Variants in CYP4F22 observed in about 807,000 individuals in gnomAD.
CYP4F22 encodes cytochrome P450 family 4 subfamily F member 22.
Under a neutral mutation model 60.4 loss-of-function variants are expected in CYP4F22, and 37 were observed. That is an observed-to-expected ratio of 0.61 (90% CI 0.47 to 0.81). The LOEUF is 0.81. Among genes scored for constraint, CYP4F22 ranks in the 30% least tolerant of loss-of-function variants. The probability of loss-of-function intolerance (pLI) is 0.00; values close to 1 mark genes in which losing one functional copy is unlikely to be tolerated. For missense variants in CYP4F22, 655 were observed against 715.0 expected (o/e 0.92, Z 0.96); for synonymous variants, 258 against 280.5 (o/e 0.92, Z 0.80).
At chr19:15,550,581 C>T in intron 12 of CYP4F22, 93 bp from the exon 13 acceptor site, 1 of 1,288,426 alleles carries the variant, frequency 7.8e-7, no homozygotes, top group South Asian at 1.2e-5. Context: ...GCTCCCCATC[C>T]ATCTTTACTG....
In CYP4F22 at chr19:15,548,002, A is replaced by AGAGTGT. The variant is rs1237209926; in HGVS notation, c.1137-105_1137-104insAGTGTG. 86 of 367,224 alleles carry AGAGTGT rather than the reference A, an allele frequency of 2.3e-4. 1 individual carries two copies. The Middle Eastern group carries it at 2.9e-3, about 12-fold the overall frequency. 22.7% of individuals were successfully genotyped at this position (367,224 alleles called of 1,614,324 possible). A position where few individuals can be genotyped will look rare whatever the true frequency, so the allele number is the denominator to read the frequency against. ...GAGAGAGAGAGAGAGAGAGGGAGAG[A>AGAGTGT]GTGTGTGTGTGTGTGTGTGTGTGTG... On this transcript the variant is annotated intron_variant, in intron 10 of 13. Coordinates refer to ENST00000269703, the MANE Select transcript of CYP4F22 (RefSeq NM_173483.4).
chr19:15,547,023 T>TTG (rs926268040), intron 10 of CYP4F22, among the ~76,000 whole-genome samples: 2 of 139,882 alleles, frequency 1.4e-5, no homozygotes, highest in African/African-American at 5.4e-5. Context: ...CACCAGTTTT[T>TTG]TTTTTTTTTT....
Position 15,551,353 on chromosome 19 carries a change from T to G in CYP4F22, c.1478T>G (p.Leu493Arg). Residue 493 changes from leucine to arginine, a missense_variant, in exon 14 of 14, where the codon CTG becomes CGG. Coordinates refer to ENST00000269703, the MANE Select transcript of CYP4F22 (RefSeq NM_173483.4). ...AELRVVVALT[L>R]LRFRLSVDRT... The stretch of plus-strand genomic sequence containing the variant: ...TTGCGCGTGGTTGTGGCACTAACAC[T>G]GCTACGTTTCCGCCTGAGCGTGGAC... 1 of 1,613,512 alleles carries G rather than the reference T, an allele frequency of 6.2e-7. No individual in the cohort carries two copies. Among genetic ancestry groups the G allele is most frequent in the Non-Finnish European group, 8.5e-7 (1 of 1,179,744 alleles).
chr19:15,511,538 A>C (rs993477432), intron 1 of CYP4F22, among the ~76,000 whole-genome samples: 2 of 152,146 alleles, frequency 1.3e-5, no homozygotes, highest in Non-Finnish European at 2.9e-5. Context: ...GGGGTCTGGC[A>C]CTTTGGGGGA....
intron 5 of CYP4F22, 25 bp downstream of exon 5, chr19:15,537,439 G>A: frequency 6.2e-7 from 1 of 1,614,230 alleles, no homozygotes; most frequent in Non-Finnish European, 8.5e-7. Context: ...GGTAGGCTGG[G>A]GCTGGGGCTT....
rs763867966 is a variant in CYP4F22, at chr19:15,540,578, C to G, written c.800C>G (p.Ala267Gly). 27 of 1,614,234 alleles carry G rather than the reference C, an allele frequency of 1.7e-5. 1 individual carries two copies. The South Asian group carries it at 3.0e-4, about 18-fold the overall frequency. ...RSADGRRFRQ[A>G]CDMVHHFTTE... The stretch of plus-strand genomic sequence containing the variant: ...GCGGATGGGCGGAGGTTCCGGCAGG[C>G]CTGTGACATGGTGCACCACTTCACC... Residue 267 changes from alanine to glycine, a missense_variant, in exon 8 of 14, where the codon GCC (alanine) becomes GGC (glycine). Ala to Gly is a moderately conservative substitution (Grantham distance 60). Around this residue, in one of 3 missense-constraint regions of CYP4F22, gnomAD observed 430 missense variants for 457.1 expected, o/e 0.94. Transcript: ENST00000269703.
chr19:15,529,117 C>T (rs1971313264), intron 3 of CYP4F22, among the ~76,000 whole-genome samples: 1 of 115,862 alleles, frequency 8.6e-6, no homozygotes, highest in African/African-American at 3.5e-5. Context: ...CTAATTTTAT[C>T]TTCTTATTTT....
intron 1 of CYP4F22, among the ~76,000 whole-genome samples, chr19:15,514,243 G>A (rs1971127791): frequency 6.6e-6 from 1 of 152,156 alleles, no homozygotes; most frequent in Non-Finnish European, 1.5e-5. Context: ...TCACTGAAAT[G>A]GTGCTGGGTT....
chr19:15,536,357 A>T (rs1971394413), intron 4 of CYP4F22, among the ~76,000 whole-genome samples: 1 of 152,104 alleles, frequency 6.6e-6, no homozygotes, highest in South Asian at 2.1e-4. Context: ...AAAAACAAAA[A>T]GTTATGTGGT....
intron 1 of CYP4F22, among the ~76,000 whole-genome samples, chr19:15,521,262 C>T (rs8112592): frequency 0.56 from 78,237 of 140,238 alleles, 23,037 homozygotes; most frequent in Non-Finnish European, 0.66. Context: ...GACGGAGTCT[C>T]GCTCTGTCAC....
At chr19:15,520,341 A>C (rs372061256) in intron 1 of CYP4F22, among the ~76,000 whole-genome samples, 4 of 139,532 alleles carry the variant, frequency 2.9e-5, no homozygotes, top group African/African-American at 1.1e-4. Context: ...GCAAGCCTCC[A>C]TCTCAAAAAA....
In CYP4F22 at chr19:15,548,041, G is replaced by T. The variant is rs184776669; in HGVS notation, c.1137-67G>T. Reference sequence around the variant, plus strand: ...TGTGTGTGTGTGTGTGTGTGTGTGTGTGTGTGTGTTTTGGGGAGGTGGTGC... The same window carrying T: ...TGTGTGTGTGTGTGTGTGTGTGTGTTTGTGTGTGTTTTGGGGAGGTGGTGC... On this transcript the variant is annotated intron_variant, in intron 10 of 13. Transcript: ENST00000269703. The T allele has an allele frequency of 3.6e-4, 479 of 1,348,524 alleles. 2 individuals carry two copies. The African/African-American group carries it at 6.0e-3, about 17-fold the overall frequency. 83.5% of individuals were successfully genotyped at this position (1,348,524 alleles called of 1,614,324 possible). A position where few individuals can be genotyped will look rare whatever the true frequency, so the allele number is the denominator to read the frequency against.
At chr19:15,539,179 A>G (rs1281296405) in intron 7 of CYP4F22, among the ~76,000 whole-genome samples, 2 of 152,192 alleles carry the variant, frequency 1.3e-5, no homozygotes, top group Admixed American at 1.3e-4. Flanking sequence ...GAAACTTCAT[A>G]CACTTTAGCA....
rs1971584049 is a variant in CYP4F22 at position 15,550,674 on chromosome 19, G to A, written c.1336G>A (p.Val446Met). Residue 446 changes from valine to methionine, a missense_variant and splice_region_variant, in exon 13 of 14, where the codon GTG (valine) becomes ATG (methionine). Val to Met is a conservative substitution (Grantham distance 21). Around this residue, in one of 3 missense-constraint regions of CYP4F22, gnomAD observed 151 missense variants for 139.4 expected, o/e 1.08. Transcript: ENST00000269703. ...TCATCTCCAGGCTGTTCCTCCCTAG[G>A]TGTACAACCCCTACCGCTTTGACCC... ...HNPTVWPDSKVYNPYRFDPDN... is the reference protein window; with the variant it reads ...HNPTVWPDSKMYNPYRFDPDN... 6.2e-7 allele frequency: 1 copy of A among 1,614,038 alleles called. No homozygotes were observed. The highest frequency in any genetic ancestry group is 8.5e-7 in the Non-Finnish European group (1 of 1,180,030).
At chr19:15,515,398 T>C in intron 1 of CYP4F22, 1 of 1,232,402 alleles carries the variant, frequency 8.1e-7, no homozygotes, top group Non-Finnish European at 1.2e-6. Flanking sequence ...CTCTGTACTT[T>C]GTTGGTCCAA....
chr19:15,511,198 T>G (rs1971088010), intron 1 of CYP4F22, among the ~76,000 whole-genome samples: 1 of 151,350 alleles, frequency 6.6e-6, no homozygotes, highest in African/African-American at 2.4e-5. Context: ...ACTCCCGACC[T>G]CAGGTGATCC....
At position 15,529,809 on chromosome 19, in the gene CYP4F22, T is replaced by C. The variant is rs1486409087; in HGVS notation, c.323T>C (p.Val108Ala). 3 of 1,614,042 alleles carry C rather than the reference T, an allele frequency of 1.9e-6. No homozygotes were observed. The highest frequency in any genetic ancestry group is 1.6e-4 in the Middle Eastern group (1 of 6,080). The stretch of plus-strand genomic sequence containing the variant: ...ATGGGACCTGTCCTGCCGCTGTTGG[T>C]TCTGGTGCACCCTGATTACATCAAA... ...VWMGPVLPLL[V>A]LVHPDYIKPL... is the part of the protein sequence containing the mutation. Residue 108 changes from valine (V) to alanine (A), a missense_variant, in exon 4 of 14, where the codon GTT (valine) becomes GCT (alanine). Around this residue, in one of 3 missense-constraint regions of CYP4F22, gnomAD observed 430 missense variants for 457.1 expected, o/e 0.94. Coordinates refer to ENST00000269703, the MANE Select transcript of CYP4F22 (RefSeq NM_173483.4).
Position 15,537,895 on chromosome 19 carries a change from G to A in CYP4F22, c.573G>A (p.Glu191=), listed in dbSNP as rs1568360502. 1.2e-6 allele frequency: 2 copies of A among 1,614,082 alleles called. No individual in the cohort carries two copies. The highest frequency in any genetic ancestry group is 4.5e-5 in the East Asian group (2 of 44,888). Residue 191 remains glutamate (E), a synonymous_variant, in exon 7 of 14, where the codon GAG becomes GAA. Transcript: ENST00000269703. ...AGGCTAAATGGCGGCATCTGGCAGA[G>A]GGCTCAGCGGTCTCCCTTGATATGT... ...IMHAKWRHLA[E]GSAVSLDMFE...
rs1971606250 is a variant in CYP4F22 at position 15,552,066 on chromosome 19, GT to G, written c.*599del. 6.5e-6 allele frequency: 1 copy of G among 153,394 alleles called. No homozygotes were observed. Among genetic ancestry groups the G allele is most frequent in the South Asian group, 2.0e-4 (1 of 4,948 alleles). The allele number at this position is 153,394 out of a possible 1,614,324, so 9.5% of individuals were successfully genotyped here. A position where few individuals can be genotyped will look rare whatever the true frequency, so the allele number is the denominator to read the frequency against. ...TTCGAGGCTGCTTGCTTTTGTTGTT[GT>G]TTTGTAAACTCAGACCCTTGTAAGC... On this transcript the variant is annotated 3_prime_UTR_variant, in exon 14 of 14. Coordinates refer to ENST00000269703, the MANE Select transcript of CYP4F22 (RefSeq NM_173483.4).
Sources: allele counts gnomAD v4.1 joint callset (sites outside exome capture counted in the v4.1 genomes callset), GRCh38; gene constraint gnomAD v4.1.1; regional missense constraint gnomAD v4.1.1; transcripts MANE v1.5; gene names NCBI Gene and HGNC (gene_info 2026-07-23, HGNC 2026-07-21).